POU2F2: variants seen among roughly 807,000 people sequenced by gnomAD.
POU2F2 encodes the protein POU class 2 homeobox 2.
POU2F2 carries 14 observed loss-of-function variants against 63.5 expected under a neutral mutation model. The ratio of observed to expected loss-of-function variants is 0.22; its 90% CI spans 0.15 to 0.34. The LOEUF (loss-of-function observed/expected upper bound fraction) is 0.34. Among genes scored for constraint, POU2F2 ranks in the 10% least tolerant of loss-of-function variants. POU2F2 has a pLI of 1.00. For synonymous variants in POU2F2, 306 were observed against 348.6 expected (o/e 0.88, Z 1.36); for missense variants, 607 against 815.2 (o/e 0.74, Z 3.11).
intron 1 of POU2F2, among the ~76,000 whole-genome samples, chr19:42,191,000 G>A (rs969269833): frequency 6.6e-6 from 1 of 151,332 alleles, no homozygotes; most frequent in African/African-American, 2.4e-5. Context: ...CCAAGAGGTG[G>A]AGGTTGTGGT....
At position 42,096,203 on chromosome 19, in the gene POU2F2, T is replaced by C. The variant is rs949125707; in HGVS notation, c.608A>G (p.His203Arg). Residue 203 changes from histidine (H) to arginine (R), a missense_variant, in exon 8 of 15, where the codon CAC (histidine) becomes CGC (arginine). By Grantham distance (29) the His-to-Arg change is conservative. This residue lies in a region of POU2F2 where 224 missense variants were observed against 264.3 expected (regional missense o/e 0.85). Coordinates refer to ENST00000692977, the MANE Select transcript of POU2F2 (RefSeq NM_001394376.1). The surrounding 1 kb of genome is among the most constrained non-coding windows in gnomAD (Gnocchi z 4.1). ...RPTLPDPHLS[H>R]PQPPKCLEPP... is the part of the protein sequence containing the mutation. ...CTCCAAGCATTTGGGGGGCTGCGGG[T>C]GCGAGAGGTGCGGGTCGGGCAGCGT... The C allele has an allele frequency of 5.7e-6, 9 of 1,590,784 alleles. No homozygotes were observed. In the African/African-American group the frequency reaches 1.1e-4, roughly 19 times the overall value.
chr19:42,106,545 A>G (rs1003949801), intron 5 of POU2F2, among the ~76,000 whole-genome samples: 5 of 152,212 alleles, frequency 3.3e-5, no homozygotes, highest in Admixed American at 3.3e-4. Flanking sequence ...TGACAGGAAC[A>G]ATTATACCCC....
At chr19:42,173,276 T>G (rs2034806366) in intron 1 of POU2F2, among the ~76,000 whole-genome samples, 1 of 152,174 alleles carries the variant, frequency 6.6e-6, no homozygotes, top group African/African-American at 2.4e-5. Context: ...AACCAGCACA[T>G]GCCAGAGATG....
intron 2 of POU2F2, among the ~76,000 whole-genome samples, chr19:42,154,022 C>A (rs2034408062): frequency 3.9e-5 from 6 of 151,904 alleles, no homozygotes; most frequent in Admixed American, 3.9e-4. Flanking sequence ...CTCCTCAACA[C>A]CCCTGCTTTG....
chr19:42,133,511 C>T (rs567470846), upstream of POU2F2: 207 of 154,768 alleles, frequency 1.3e-3, no homozygotes, highest in African/African-American at 4.5e-3. The surrounding 1 kb of genome is among the most constrained non-coding windows in gnomAD (Gnocchi z 5.1). Context: ...CGCCTGGGCC[C>T]CGCAGGACAT....
chr19:42,117,030 A>G lies in POU2F2; in HGVS notation c.369+220T>C. The G allele has an allele frequency of 1.5e-6, 1 of 652,520 alleles. No individual in the cohort carries two copies. Among genetic ancestry groups the G allele is most frequent in the Non-Finnish European group, 2.8e-6 (1 of 361,740 alleles). 40.4% of individuals were successfully genotyped at this position (652,520 alleles called of 1,614,324 possible). On this transcript the variant is annotated intron_variant, in intron 5 of 14. Coordinates refer to ENST00000692977, the MANE Select transcript of POU2F2 (RefSeq NM_001394376.1). The surrounding 1 kb of genome is among the most constrained non-coding windows in gnomAD (Gnocchi z 4.4). ...GCTGCGGGGTGTCGGGGACAGCAGG[A>G]ATTGGAGCAAGGGGTTGAAGAGGAG...
chr19:42,125,671 G>A (rs2033133597), intron 1 of POU2F2, among the ~76,000 whole-genome samples: 2 of 152,120 alleles, frequency 1.3e-5, no homozygotes, highest in Admixed American at 1.3e-4. Flanking sequence ...TGCAGCCCCA[G>A]CCTCCTCTGG....
chr19:42,125,267 TG>T (rs2033084803), intron 1 of POU2F2, among the ~76,000 whole-genome samples: 1 of 150,048 alleles, frequency 6.7e-6, no homozygotes, highest in South Asian at 2.1e-4. Context: ...TAGGCTGAGA[TG>T]GGAAGGTCGC....
rs766594247 is a variant in POU2F2 at position 42,153,781 on chromosome 19, G to A, written c.-9+6551C>T. ...GGTGACTTGGTGTAGACGGCACGGT[G>A]TATGTGTGTAGAGGCTACAACCCTG... On this transcript the variant is annotated intron_variant, in intron 2 of 6. Coordinates refer to the POU2F2 transcript ENST00000524801. This position sits in a 1 kb window ranked among gnomAD's most constrained non-coding sequence, Gnocchi z 5.6. Among the ~76,000 whole-genome samples the A allele has an allele frequency of 9.9e-5, 15 of 152,128 alleles. No individual in the cohort carries two copies. The highest frequency in any genetic ancestry group is 1.6e-4 in the Non-Finnish European group (11 of 68,016).
At chr19:42,179,957 T>C (rs931999090), upstream of POU2F2, among the ~76,000 whole-genome samples, 4 of 152,038 alleles carry the variant, frequency 2.6e-5, no homozygotes, top group East Asian at 5.8e-4. Context: ...ATGCAGCAGA[T>C]GCATAATGGA....
intron 5 of POU2F2, among the ~76,000 whole-genome samples, chr19:42,115,236 A>C (rs2031696653): frequency 6.6e-6 from 1 of 152,192 alleles, no homozygotes. Flanking sequence ...GCCCAGTGGA[A>C]GGAAGTTCTA....
chr19:42,135,771 A>C (rs1599644214), upstream of POU2F2, among the ~76,000 whole-genome samples: 1 of 150,242 alleles, frequency 6.7e-6, no homozygotes, highest in African/African-American at 2.5e-5. Flanking sequence ...GCAATGGCAC[A>C]ATCCCGGCTC....
In POU2F2 at chr19:42,152,423, A is replaced by G. The variant is rs1599675551; in HGVS notation, c.-9+7909T>C. On this transcript the variant is annotated intron_variant, in intron 2 of 6. Transcript: ENST00000524801. The surrounding 1 kb of genome is among the most constrained non-coding windows in gnomAD (Gnocchi z 4.1). ...AGGGGTCCCGGCTGCCCTCCCCCAAACCTCCCCTCCCTTCTCTCCCTCTCT... is the reference window on the plus strand; with the variant it reads ...AGGGGTCCCGGCTGCCCTCCCCCAAGCCTCCCCTCCCTTCTCTCCCTCTCT... 1 of 151,516 alleles carries G rather than the reference A, an allele frequency of 6.6e-6. No individual in the cohort carries two copies. The highest frequency in any genetic ancestry group is 1.5e-5 in the Non-Finnish European group (1 of 67,964). 9.4% of individuals were successfully genotyped at this position (151,516 alleles called of 1,614,324 possible).
At chr19:42,193,663 C>G (rs760426712) in intron 1 of POU2F2, among the ~76,000 whole-genome samples, 3 of 152,238 alleles carry the variant, frequency 2.0e-5, no homozygotes, top group Non-Finnish European at 2.9e-5. Flanking sequence ...GTTAAGCCAG[C>G]ACGTTTATGG....
At position 42,142,197 on chromosome 19, in the gene POU2F2, T is replaced by C. The variant is rs116935884; in HGVS notation, c.-9+18135A>G. Reference sequence around the variant, plus strand: ...TTGTAGTAACTTCAGTTTTGGTTTGTTTGTTTGTTTTGAGATAGAGTCTCA... The same window carrying C: ...TTGTAGTAACTTCAGTTTTGGTTTGCTTGTTTGTTTTGAGATAGAGTCTCA... On this transcript the variant is annotated intron_variant, in intron 2 of 6. Coordinates refer to the POU2F2 transcript ENST00000524801. 1.3e-3 allele frequency among the ~76,000 whole-genome samples: 198 copies of C among 152,306 alleles called. 2 individuals are homozygous for C. In the East Asian group the frequency reaches 0.032, roughly 25 times the overall value.
At chr19:42,093,979 TC>T in intron 11 of POU2F2, 84 bp from the exon 12 acceptor site, 1 of 1,194,510 alleles carries the variant, frequency 8.4e-7, no homozygotes, top group Non-Finnish European at 1.2e-6. Flanking sequence ...CACTCCTCCG[TC>T]CCAGGATGGG....
Position 42,086,178 on chromosome 19 carries a change from CAA to C in POU2F2, c.*5077_*5078del, listed in dbSNP as rs951112764. Reference sequence around the variant, plus strand: ...TTGTTGTTCAGATGAATGACACACTCAAGTTACAAAAATGGGGCCTTAAAAGA... The same window carrying C: ...TTGTTGTTCAGATGAATGACACACTCGTTACAAAAATGGGGCCTTAAAAGA... On this transcript the variant is annotated 3_prime_UTR_variant, in exon 15 of 15. Coordinates refer to ENST00000692977, the MANE Select transcript of POU2F2 (RefSeq NM_001394376.1). The C allele has an allele frequency of 6.6e-6, 1 of 152,032 alleles. No individual in the cohort carries two copies. The highest frequency in any genetic ancestry group is 6.6e-5 in the Admixed American group (1 of 15,262). The allele number at this position is 152,032 out of a possible 1,614,324, so 9.4% of individuals were successfully genotyped here.
intron 1 of POU2F2, among the ~76,000 whole-genome samples, chr19:42,168,825 G>A (rs570057641): frequency 1.6e-4 from 25 of 152,308 alleles, no homozygotes; most frequent in Non-Finnish European, 3.1e-4. Flanking sequence ...CTGATGTCAA[G>A]CTTAAATGTC....
At chr19:42,093,998 G>A (rs1226363937) in intron 11 of POU2F2, 103 bp from the exon 12 acceptor site, 3 of 937,816 alleles carry the variant, frequency 3.2e-6, no homozygotes, top group Non-Finnish European at 4.9e-6. Flanking sequence ...GGGGGCAGGG[G>A]GCTTTGGCAC....
Sources: gnomAD v4.1 joint callset for allele counts (sites outside exome capture counted in the v4.1 genomes callset) on GRCh38, gnomAD v4.1.1 for gene constraint, gnomAD v4.1.1 regional missense constraint, Gnocchi (gnomAD v3.1) non-coding constraint, MANE v1.5 for transcripts, NCBI Gene and HGNC (gene_info 2026-07-23, HGNC 2026-07-21) for gene names.